Variants in GPC1 observed in about 807,000 individuals in gnomAD.
The protein encoded by GPC1 is glypican 1, also known as glypican-1.
GPC1 carries 26 observed loss-of-function variants against 51.5 expected under a neutral mutation model. The ratio of observed to expected loss-of-function variants is 0.50; its 90% confidence interval spans 0.37 to 0.70. GPC1 has a LOEUF of 0.70. Ranked by LOEUF, GPC1 falls within the 30% of genes least tolerant of loss-of-function variation. The probability of loss-of-function intolerance (pLI) is 0.00; values close to 1 mark genes in which losing one functional copy is unlikely to be tolerated. For missense variants in GPC1, 775 were observed against 800.5 expected (o/e 0.97, Z 0.38); for synonymous variants, 380 against 348.3 (o/e 1.09, Z -1.01).
intron 2 of GPC1, among the ~76,000 whole-genome samples, chr2:240,461,256 G>T (rs1419280410): frequency 1.3e-5 from 2 of 152,208 alleles, no homozygotes; most frequent in East Asian, 1.9e-4. Flanking sequence ...CTTGCCAGGG[G>T]TCAGCGTGGG....
At chr2:240,453,648 C>G (rs2151791636) in intron 1 of GPC1, among the ~76,000 whole-genome samples, 1 of 149,428 alleles carries the variant, frequency 6.7e-6, no homozygotes, top group East Asian at 2.0e-4. Flanking sequence ...CTCTCCCCGC[C>G]CGCCCCCTTC....
chr2:240,457,291 C>T (rs1176286285), intron 1 of GPC1: 1 of 409,002 alleles, frequency 2.4e-6, no homozygotes, highest in African/African-American at 2.0e-5. Context: ...CTCTGACAAC[C>T]TGTCTCCTTG....
intron 2 of GPC1, among the ~76,000 whole-genome samples, chr2:240,461,489 C>T (rs2074215647): frequency 6.6e-6 from 1 of 152,102 alleles, no homozygotes; most frequent in Admixed American, 6.5e-5. Context: ...GGTACGGGGG[C>T]TTTTCCCTAA....
At chr2:240,437,259 C>T (rs1013248072) in intron 1 of GPC1, among the ~76,000 whole-genome samples, 53 of 152,132 alleles carry the variant, frequency 3.5e-4, no homozygotes, top group African/African-American at 1.3e-3. Flanking sequence ...CCGCGGGGGG[C>T]GGAGTGGTGG....
Position 240,465,458 on chromosome 2 carries a change from C to G in GPC1, c.1269-15C>G, listed in dbSNP as rs753736599. On this transcript the variant is annotated splice_polypyrimidine_tract_variant and intron_variant, in intron 7 of 8. Transcript: ENST00000264039. ...GCTGGAGCAGTGACCTGGGCTCTGC[C>G]TGCCTTTCCCCCAGGTACCTCCCCG... 4 of 1,611,750 alleles carry G rather than the reference C, an allele frequency of 2.5e-6. No homozygotes were observed. The South Asian group carries it at 4.4e-5, about 18-fold the overall frequency.
rs2074222682 is a variant in GPC1 at position 240,462,286 on chromosome 2, TTCCGGG to T, written c.422_427del (p.Phe141_Asp143delinsTyr). 1 of 1,609,298 alleles carries T rather than the reference TTCCGGG, an allele frequency of 6.2e-7. No homozygotes were observed. The highest frequency in any genetic ancestry group is 8.5e-7 in the Non-Finnish European group (1 of 1,178,530). ...GCTGTACACGCAGAACGCGAGGGCC[TTCCGGG>T]ACCTGTACTCAGAGCTGCGCCTGTA... On this transcript the variant is annotated inframe_deletion, in exon 3 of 9. Transcript: ENST00000264039.
chr2:240,455,501 C>G (rs569602215), intron 1 of GPC1, among the ~76,000 whole-genome samples: 4 of 152,158 alleles, frequency 2.6e-5, no homozygotes, highest in African/African-American at 7.2e-5. Flanking sequence ...GGACTCACCC[C>G]CTAGGTTGGA....
At chr2:240,436,365 G>A (rs955235304) in intron 1 of GPC1, among the ~76,000 whole-genome samples, 4 of 152,110 alleles carry the variant, frequency 2.6e-5, no homozygotes, top group African/African-American at 9.7e-5. Context: ...CTGCGGAGCT[G>A]ATCTCGCCGG....
At chr2:240,443,297 G>T (rs2074029888) in intron 1 of GPC1, among the ~76,000 whole-genome samples, 1 of 152,278 alleles carries the variant, frequency 6.6e-6, no homozygotes, top group Non-Finnish European at 1.5e-5. Context: ...AGCCCTTCAG[G>T]TGGACTTTGG....
intron 1 of GPC1, among the ~76,000 whole-genome samples, chr2:240,446,544 C>A (rs981713334): frequency 5.9e-5 from 9 of 152,220 alleles, no homozygotes; most frequent in African/African-American, 2.2e-4. Context: ...GTCATGTGAA[C>A]CCTGAGGGCC....
At chr2:240,458,780 G>T in intron 1 of GPC1, 1 of 471,734 alleles carries the variant, frequency 2.1e-6, no homozygotes, top group Non-Finnish European at 3.8e-6. Flanking sequence ...TTGCCCAAGG[G>T]GCCTCCTGCC....
Position 240,435,765 on chromosome 2 carries a change from G to C in GPC1, c.-154G>C. 1 of 394,140 alleles carries C rather than the reference G, an allele frequency of 2.5e-6. No homozygotes were observed. The highest frequency in any genetic ancestry group is 4.1e-6 in the Non-Finnish European group (1 of 245,490). 24.4% of individuals were successfully genotyped at this position (394,140 alleles called of 1,614,324 possible). A position where few individuals can be genotyped will look rare whatever the true frequency, so the allele number is the denominator to read the frequency against. On this transcript the variant is annotated 5_prime_UTR_variant, in exon 1 of 9. Transcript: ENST00000264039. ...CGCGCCGCCGCCGCCGCCGGCTTTT[G>C]TTGTCTCCGCCTCCTCGGCCGCCGC...
intron 1 of GPC1, among the ~76,000 whole-genome samples, chr2:240,442,035 T>C (rs2074020672): frequency 2.0e-5 from 3 of 152,100 alleles, no homozygotes; most frequent in Admixed American, 2.0e-4. Context: ...CAGGCCAGCC[T>C]CACACCATCC....
In GPC1 at chr2:240,465,555, A is replaced by G; in HGVS notation, c.1351A>G (p.Met451Val). 2 of 1,613,168 alleles carry G rather than the reference A, an allele frequency of 1.2e-6. No homozygotes were observed. The highest frequency in any genetic ancestry group is 1.1e-5 in the South Asian group (1 of 91,088). ...EVEVDITKPD[M>V]TIRQQIMQLK... ...GGAGGTGGACATCACCAAGCCGGAC[A>G]TGACCATCCGGCAGCAGATCATGCA... The change falls in exon 8 of 9, where the codon ATG becomes GTG. Residue 451 changes from methionine to valine, a missense_variant. Physicochemically the swap from Met to Val is conservative, Grantham distance 21 (BLOSUM62 1). Coordinates refer to ENST00000264039, the MANE Select transcript of GPC1 (RefSeq NM_002081.3).
intron 1 of GPC1, among the ~76,000 whole-genome samples, chr2:240,436,481 C>T (rs994843649): frequency 3.9e-5 from 6 of 152,190 alleles, no homozygotes; most frequent in African/African-American, 1.4e-4. Context: ...GCCCCGGGGC[C>T]GGCTGTCGGG....
chr2:240,458,986 G>C (rs368923084), intron 1 of GPC1, 44 bp from the exon 2 acceptor site: 1 of 1,590,606 alleles, frequency 6.3e-7, no homozygotes, highest in African/African-American at 1.3e-5. Context: ...CTGGCTCCCA[G>C]TGCTGTCCCA....
At chr2:240,449,027 G>T (rs937069128) in intron 1 of GPC1, among the ~76,000 whole-genome samples, 1 of 152,132 alleles carries the variant, frequency 6.6e-6, no homozygotes, top group South Asian at 2.1e-4. Flanking sequence ...ACCTGGGGGG[G>T]AAGCCACCTA....
chr2:240,438,949 G>A (rs1038673833), intron 1 of GPC1, among the ~76,000 whole-genome samples: 2 of 152,144 alleles, frequency 1.3e-5, no homozygotes, highest in African/African-American at 2.4e-5. Flanking sequence ...GCGGAGCCGA[G>A]TGGCACCCCG....
chr2:240,437,064 C>G (rs1221604052), intron 1 of GPC1, among the ~76,000 whole-genome samples: 2 of 152,222 alleles, frequency 1.3e-5, no homozygotes, highest in African/African-American at 4.8e-5. Context: ...TGCCAGGGAC[C>G]CAGTGGGCAA....
Sources: allele counts gnomAD v4.1 joint callset (sites outside exome capture counted in the v4.1 genomes callset), GRCh38; gene constraint gnomAD v4.1.1; transcripts MANE v1.5; gene names NCBI Gene and HGNC (gene_info 2026-07-23, HGNC 2026-07-21).